The following PCSK6 variants were observed in gnomAD, a reference collection of about 807,000 sequenced individuals.
PCSK6 encodes paired basic amino acid cleaving enzyme 4.
Under a neutral mutation model 123.3 loss-of-function variants are expected in PCSK6, and 85 were observed. The observed-to-expected ratio is 0.69, with a 90% CI of 0.58 to 0.83. The LOEUF is 0.83. Among genes scored for constraint, PCSK6 ranks in the 40% least tolerant of loss-of-function variants. The pLI is 0.00. For synonymous variants in PCSK6, 508 were observed against 516.0 expected (o/e 0.98, Z 0.21); for missense variants, 1,191 against 1,282.3 (o/e 0.93, Z 1.09).
rs372797634 is a variant in PCSK6, at chr15:101,443,739, C to T, written c.298-79G>A. On this transcript the variant is annotated intron_variant, in intron 1 of 21. Transcript: ENST00000611716. ...AAAATCTTCCACCCCACAAGAATCT[C>T]CCCCTTATCTGAGGGGCTCATTCTC... 4.3e-4 allele frequency: 426 copies of T among 998,950 alleles called. 3 individuals are homozygous for T. In the African/African-American group the frequency reaches 5.7e-3, roughly 13 times the overall value. The allele number at this position is 998,950 out of a possible 1,614,324, so 61.9% of individuals were successfully genotyped here.
intron 8 of PCSK6, 85 bp downstream of exon 8, chr15:101,393,127 A>G: frequency 1.8e-6 from 2 of 1,114,622 alleles, no homozygotes; most frequent in Non-Finnish European, 1.3e-6. Flanking sequence ...AATCTAAGCC[A>G]TCTTTCTGAG....
chr15:101,390,548 C>T (rs921987712), intron 8 of PCSK6, among the ~76,000 whole-genome samples: 3 of 152,170 alleles, frequency 2.0e-5, no homozygotes, highest in African/African-American at 7.2e-5. Context: ...AAGGACTGGA[C>T]CCACCGCTGC....
In PCSK6 at chr15:101,370,517, G is replaced by A. The variant is rs1317739538; in HGVS notation, c.1539C>T (p.Ile513=). The part of the protein sequence containing the change: ...VAASDKRPRS[I]PLVQVLRTTA... ...TAGTCCGCAGCACCTGCACTAAGGGGATGCTCCTGGGGGAGAAGGGAGGGC... is the reference window on the plus strand; with the variant it reads ...TAGTCCGCAGCACCTGCACTAAGGGAATGCTCCTGGGGGAGAAGGGAGGGC... The change falls in exon 12 of 22, where the codon ATC becomes ATT. Residue 513 remains isoleucine, a synonymous_variant. Transcript: ENST00000611716. 3 of 1,494,934 alleles carry A rather than the reference G, an allele frequency of 2.0e-6. No individual in the cohort carries two copies. Among genetic ancestry groups the A allele is most frequent in the Non-Finnish European group, 2.7e-6 (3 of 1,114,690 alleles). The allele number at this position is 1,494,934 out of a possible 1,614,324, so 92.6% of individuals were successfully genotyped here.
chr15:101,305,279 G>A lies in PCSK6; in HGVS notation c.2889C>T (p.Arg963=), dbSNP rs1353958309. 4 of 1,611,922 alleles carry A rather than the reference G, an allele frequency of 2.5e-6. No homozygotes were observed. Among genetic ancestry groups the A allele is most frequent in the South Asian group, 1.1e-5 (1 of 90,950 alleles). ...ACCCTTACCCGGCCAGGAGGCACGT[G>A]CGGCAGCAGAACTGAATGAAGAGCT... ...ERKLFIQFCC[R]TCLLAG is the part of the protein sequence containing the mutation. The change falls in exon 22 of 22, where the codon CGC becomes CGT. Residue 963 remains arginine (R), a synonymous_variant. Coordinates refer to ENST00000611716, the MANE Select transcript of PCSK6 (RefSeq NM_002570.5). This position sits in a 1 kb window ranked among gnomAD's most constrained non-coding sequence, Gnocchi z 4.8.
Position 101,347,016 on chromosome 15 carries a change from G to C in PCSK6, c.1859-14985C>G, listed in dbSNP as rs555143828. On this transcript the variant is annotated intron_variant, in intron 13 of 21. Transcript: ENST00000611716. ...GATTGACTGCAATATTAATGCAAATGGGGTTAAAAATGGAACTTTTTGACA... is the reference window on the plus strand; with the variant it reads ...GATTGACTGCAATATTAATGCAAATCGGGTTAAAAATGGAACTTTTTGACA... 1,015 of 1,231,608 alleles carry C rather than the reference G, an allele frequency of 8.2e-4. 1 individual carries two copies. Among genetic ancestry groups the C allele is most frequent in the Non-Finnish European group, 9.7e-4 (961 of 987,962 alleles). 76.3% of individuals were successfully genotyped at this position (1,231,608 alleles called of 1,614,324 possible).
intron 6 of PCSK6, among the ~76,000 whole-genome samples, chr15:101,399,846 C>T (rs751250642): frequency 6.6e-6 from 1 of 152,162 alleles, no homozygotes; most frequent in Non-Finnish European, 1.5e-5. Context: ...GAGCCCCTCA[C>T]CCACGGGGCC....
intron 13 of PCSK6, among the ~76,000 whole-genome samples, chr15:101,363,711 G>A (rs2041303045): frequency 6.6e-6 from 1 of 151,522 alleles, no homozygotes; most frequent in Non-Finnish European, 1.5e-5. Context: ...CTCACTGTAA[G>A]CTCCGCCTCC....
At chr15:101,489,290 CG>C (rs2058103227) in intron 1 of PCSK6, 83 bp downstream of exon 1, 2 of 872,882 alleles carry the variant, frequency 2.3e-6, no homozygotes, top group Non-Finnish European at 2.8e-6. Context: ...CGGGGCCGGG[CG>C]GACAGGACTG....
intron 2 of PCSK6, among the ~76,000 whole-genome samples, chr15:101,433,300 T>C (rs2141123952): frequency 6.6e-6 from 1 of 152,246 alleles, no homozygotes; most frequent in East Asian, 1.9e-4. Flanking sequence ...CCTGCTCTTA[T>C]CATCCCGTGT....
chr15:101,409,150 C>T (rs1261746445), intron 6 of PCSK6, among the ~76,000 whole-genome samples: 1 of 152,236 alleles, frequency 6.6e-6, no homozygotes, highest in Non-Finnish European at 1.5e-5. Flanking sequence ...GCCCTGTGGA[C>T]TGGCGATGCT....
intron 2 of PCSK6, among the ~76,000 whole-genome samples, chr15:101,438,962 G>A (rs1474005440): frequency 1.3e-5 from 2 of 152,248 alleles, no homozygotes; most frequent in African/African-American, 2.4e-5. Context: ...GAGGGAAAAA[G>A]AGCGAAAGTC....
chr15:101,389,895 G>A (rs1433850467), intron 8 of PCSK6, among the ~76,000 whole-genome samples: 1 of 152,064 alleles, frequency 6.6e-6, no homozygotes, highest in Non-Finnish European at 1.5e-5. Flanking sequence ...AAACCAAGAC[G>A]CACCCCACAA....
rs372757768 is a variant in PCSK6 at position 101,324,838 on chromosome 15, C to A, written c.2377+12G>T. On this transcript the variant is annotated intron_variant, in intron 17 of 21. Coordinates refer to ENST00000611716, the MANE Select transcript of PCSK6 (RefSeq NM_002570.5). ...GCTCATCAGTTCTTGTACCCACAAA[C>A]AAGCCACTTACTTTCATCAGCATAA... 14 of 1,604,350 alleles carry A rather than the reference C, an allele frequency of 8.7e-6. No homozygotes were observed. In the South Asian group the frequency reaches 1.4e-4, roughly 16 times the overall value.
intron 13 of PCSK6, among the ~76,000 whole-genome samples, chr15:101,357,686 G>T (rs2041085198): frequency 1.3e-5 from 2 of 152,250 alleles, no homozygotes; most frequent in Non-Finnish European, 2.9e-5. Flanking sequence ...ATGCTCTGGG[G>T]GTAGGTCTTA....
intron 13 of PCSK6, among the ~76,000 whole-genome samples, chr15:101,358,410 T>C (rs1414635247): frequency 3.3e-5 from 5 of 152,230 alleles, no homozygotes; most frequent in Non-Finnish European, 5.9e-5. Flanking sequence ...CCCTGTTTGC[T>C]CCACTGAACT....
At chr15:101,433,324 A>C (rs1373369552) in intron 2 of PCSK6, among the ~76,000 whole-genome samples, 1 of 152,202 alleles carries the variant, frequency 6.6e-6, no homozygotes, top group East Asian at 1.9e-4. Context: ...CATTCTTTTC[A>C]AGCTGGAAAA....
In PCSK6 at chr15:101,393,290, G is replaced by A; in HGVS notation, c.1131C>T (p.Tyr377=). 6.2e-7 allele frequency: 1 copy of A among 1,613,266 alleles called. No individual in the cohort carries two copies. Among genetic ancestry groups the A allele is most frequent in the Non-Finnish European group, 8.5e-7 (1 of 1,179,654 alleles). ...CACACTCTTCCAGGTACCAGGGCTT[G>A]TAGCCATTCTCGGTGGCGCTGCTGA... ...ISVSSATENG[Y]KPWYLEECAS... Residue 377 remains tyrosine, a synonymous_variant, in exon 8 of 22, where the codon TAC becomes TAT. Transcript: ENST00000611716.
At chr15:101,469,204 T>G (rs2057541660) in intron 1 of PCSK6, among the ~76,000 whole-genome samples, 1 of 152,132 alleles carries the variant, frequency 6.6e-6, no homozygotes, top group African/African-American at 2.4e-5. Flanking sequence ...TCCTGCTCAT[T>G]TAATTAAGAT....
At chr15:101,465,259 A>G (rs905424441) in intron 1 of PCSK6, among the ~76,000 whole-genome samples, 3 of 152,174 alleles carry the variant, frequency 2.0e-5, no homozygotes, top group Non-Finnish European at 4.4e-5. Context: ...TGTGCTGGGG[A>G]CAGGGACACA....
Sources: gnomAD v4.1 joint callset for allele counts (sites outside exome capture counted in the v4.1 genomes callset) on GRCh38, gnomAD v4.1.1 for gene constraint, Gnocchi (gnomAD v3.1) non-coding constraint, MANE v1.5 for transcripts, NCBI Gene and HGNC (gene_info 2026-07-23, HGNC 2026-07-21) for gene names.